BICD1: variants seen among roughly 807,000 people sequenced by gnomAD.
The protein encoded by BICD1 is protein bicaudal D homolog 1.
In BICD1, 35 loss-of-function variants were observed where a neutral mutation model predicts 92.5. The observed-to-expected ratio is 0.38, with a 90% CI of 0.29 to 0.50. The LOEUF (loss-of-function observed/expected upper bound fraction) is 0.50, where lower values mean the gene tolerates loss of function less well. BICD1 is among the 20% of genes least tolerant of loss of function. The pLI is 0.93. For missense variants in BICD1, 950 were observed against 1,189.8 expected, an observed-to-expected ratio of 0.80 and a Z score of 2.97; for synonymous variants, 429 against 465.1, an observed-to-expected ratio of 0.92 and a Z score of 1.00.
At chr12:32,274,071 C>T (rs1318266478) in intron 2 of BICD1, among the ~76,000 whole-genome samples, 1 of 152,230 alleles carries the variant, frequency 6.6e-6, no homozygotes, top group Non-Finnish European at 1.5e-5. Flanking sequence ...CCTTCAGGCT[C>T]TTTTAGGCTT....
intron 5 of BICD1, among the ~76,000 whole-genome samples, chr12:32,329,976 C>T (rs16919727): frequency 0.22 from 33,588 of 152,060 alleles, 4,222 homozygotes; most frequent in East Asian, 0.6. Context: ...AAATACCCTC[C>T]TGCAAACGCA....
intron 2 of BICD1, among the ~76,000 whole-genome samples, chr12:32,253,877 G>T (rs537973898): frequency 8.6e-6 from 1 of 116,636 alleles, no homozygotes; most frequent in African/African-American, 3.0e-5. Context: ...AATCACTGCC[G>T]TATCCCACCT....
At chr12:32,112,131 C>T (rs1449080173) in intron 1 of BICD1, among the ~76,000 whole-genome samples, 9 of 151,490 alleles carry the variant, frequency 5.9e-5, no homozygotes, top group Admixed American at 2.6e-4. Context: ...TTCAGCCTCC[C>T]GAGTAGCTAG....
chr12:32,108,420 A>G (rs370540739), intron 1 of BICD1: 32 of 338,372 alleles, frequency 9.5e-5, no homozygotes, highest in Non-Finnish European at 1.3e-4. Context: ...TTGATTTCCT[A>G]TCAGTCACTC....
At chr12:32,163,030 T>C (rs1943644846) in intron 1 of BICD1, among the ~76,000 whole-genome samples, 1 of 148,914 alleles carries the variant, frequency 6.7e-6, no homozygotes, top group African/African-American at 2.4e-5. Flanking sequence ...AATTTTAAAT[T>C]ATGGTTTTAA....
intron 3 of BICD1, among the ~76,000 whole-genome samples, chr12:32,304,015 A>G (rs1305274124): frequency 6.6e-6 from 1 of 152,068 alleles, no homozygotes; most frequent in Non-Finnish European, 1.5e-5. Context: ...TAGAGCTTGC[A>G]GTGAGCCGAG....
At chr12:32,120,875 GAGAGAGA>G in intron 1 of BICD1, among the ~76,000 whole-genome samples, 1 of 14,170 alleles carries the variant, frequency 7.1e-5, no homozygotes, top group South Asian at 2.9e-3. Flanking sequence ...ATTAGAGAGA[GAGAGAGA>G]GAGAGAGAGA....
intron 2 of BICD1, among the ~76,000 whole-genome samples, chr12:32,270,119 T>A (rs1411268913): frequency 3.1e-5 from 4 of 129,086 alleles, no homozygotes; most frequent in African/African-American, 9.5e-5. Flanking sequence ...AGACTCCCTC[T>A]AAAAAAAAAA....
intron 1 of BICD1, among the ~76,000 whole-genome samples, chr12:32,121,854 C>G (rs144510071): frequency 0.013 from 1,892 of 150,686 alleles, 49 homozygotes; most frequent in African/African-American, 0.044. Context: ...CACTCTCTTG[C>G]CCAGGCTGGA....
At position 32,305,747 on chromosome 12, in the gene BICD1, G is replaced by C. The variant is rs768399198; in HGVS notation, c.630G>C (p.Thr210=). ...KHEIKRFEEE[T]VLLNSQLEDA... ...AGATTAAGCGATTTGAGGAGGAGAC[G>C]GTACTGCTGAACAGCCAGCTGGAAG... The change falls in exon 4 of 10, where the codon ACG becomes ACC. Residue 210 remains threonine (T), a synonymous_variant. Transcript: ENST00000652176. 6 of 1,614,082 alleles carry C rather than the reference G, an allele frequency of 3.7e-6. No individual in the cohort carries two copies. Among genetic ancestry groups the C allele is most frequent in the Non-Finnish European group, 4.2e-6 (5 of 1,180,024 alleles).
intron 8 of BICD1, among the ~76,000 whole-genome samples, chr12:32,350,901 T>C (rs1938840133): frequency 1.3e-5 from 2 of 152,370 alleles, no homozygotes; most frequent in African/African-American, 4.8e-5. Context: ...TAGTCATTGA[T>C]ATACTCTCCA....
chr12:32,359,291 A>G (rs1939232131), intron 8 of BICD1, among the ~76,000 whole-genome samples: 1 of 152,180 alleles, frequency 6.6e-6, no homozygotes, highest in African/African-American at 2.4e-5. Flanking sequence ...TCTGTTCCTT[A>G]TAACAGAATA....
chr12:32,290,159 A>G (rs1455065511), intron 2 of BICD1, among the ~76,000 whole-genome samples: 2 of 118,758 alleles, frequency 1.7e-5, no homozygotes, highest in East Asian at 6.1e-4. Context: ...CCCCTTATAT[A>G]TAAATGAGGT....
At position 32,216,312 on chromosome 12, in the gene BICD1, G is replaced by C; in HGVS notation, c.279G>C (p.Thr93=). The C allele has an allele frequency of 6.2e-7, 1 of 1,614,120 alleles. No individual in the cohort carries two copies. Among genetic ancestry groups the C allele is most frequent in the Non-Finnish European group, 8.5e-7 (1 of 1,180,026 alleles). The change falls in exon 2 of 10, where the codon ACG becomes ACC. Residue 93 remains threonine, a synonymous_variant. Transcript: ENST00000652176. ...AAGATGGAGAGACTCGGGAGGAAACGCTTCTGCAGGAGTCAGCATCGAAGG... is the reference window on the plus strand; with the variant it reads ...AAGATGGAGAGACTCGGGAGGAAACCCTTCTGCAGGAGTCAGCATCGAAGG... The part of the protein sequence containing the change: ...VAEDGETREE[T]LLQESASKEA...
At chr12:32,318,193 A>G (rs1330349366) in intron 4 of BICD1, among the ~76,000 whole-genome samples, 5 of 151,522 alleles carry the variant, frequency 3.3e-5, no homozygotes, top group Admixed American at 2.0e-4. Flanking sequence ...TTGGCGATGC[A>G]GGCTCTTTTT....
At position 32,222,578 on chromosome 12, in the gene BICD1, T is replaced by C. The variant is rs568241122; in HGVS notation, c.426+6119T>C. ...GCTGCCAAGAGCATAGGTTTCCCTC[T>C]TCCGAACCCTGCCTCAAGCAATGAA... is the stretch of plus-strand genomic sequence containing the variant. On this transcript the variant is annotated intron_variant, in intron 2 of 9. Coordinates refer to ENST00000652176, the MANE Select transcript of BICD1 (RefSeq NM_001714.4). Among the ~76,000 whole-genome samples, 9 of 152,300 alleles carry C rather than the reference T, an allele frequency of 5.9e-5. 1 individual carries two copies. The highest frequency in any genetic ancestry group is 2.2e-4 in the African/African-American group (9 of 41,564).
At chr12:32,317,247 GTA>G (rs1312449462) in intron 4 of BICD1, among the ~76,000 whole-genome samples, 12 of 152,158 alleles carry the variant, frequency 7.9e-5, no homozygotes, top group African/African-American at 2.4e-4. Context: ...GGGTCAAATG[GTA>G]TTTCTAGTTC....
chr12:32,174,044 A>G (rs1008555220), intron 1 of BICD1, among the ~76,000 whole-genome samples: 1 of 152,230 alleles, frequency 6.6e-6, no homozygotes, highest in African/African-American at 2.4e-5. Flanking sequence ...AAAAGCTGTC[A>G]TCACATTTCT....
intron 2 of BICD1, among the ~76,000 whole-genome samples, chr12:32,269,950 C>T (rs1947093185): frequency 6.6e-6 from 1 of 151,560 alleles, no homozygotes; most frequent in South Asian, 2.1e-4. Flanking sequence ...AGCAAAACCC[C>T]ATCTCTACTA....
Sources: allele counts gnomAD v4.1 joint callset (sites outside exome capture counted in the v4.1 genomes callset), GRCh38; gene constraint gnomAD v4.1.1; transcripts MANE v1.5; gene names NCBI Gene and HGNC (gene_info 2026-07-23, HGNC 2026-07-21).